IFT74: variants seen among roughly 807,000 people sequenced by gnomAD.
IFT74 encodes the protein intraflagellar transport 74, also known as intraflagellar transport protein 74 homolog.
Under a neutral mutation model 96.7 loss-of-function variants are expected in IFT74, and 92 were observed. The observed-to-expected ratio is 0.95, with a 90% CI of 0.80 to 1.13. The LOEUF is 1.13. IFT74 is among the 50% of genes most tolerant of loss of function. IFT74 has a pLI of 0.00. For synonymous variants in IFT74, 223 were observed against 213.2 expected, an observed-to-expected ratio of 1.05 and a Z score of -0.40; for missense variants, 811 against 698.2, an observed-to-expected ratio of 1.16 and a Z score of -1.82.
chr9:27,011,906 G>T lies in IFT74; in HGVS notation c.727G>T (p.Glu243Ter). 6.5e-7 allele frequency: 1 copy of T among 1,545,154 alleles called. No individual in the cohort carries two copies. Among genetic ancestry groups the T allele is most frequent in the Non-Finnish European group, 8.7e-7 (1 of 1,146,664 alleles). The change falls in exon 10 of 20, where the codon GAA becomes TAA. Residue 243 changes from glutamate (E) to a stop codon, truncating the protein, a stop_gained and splice_region_variant. Coordinates refer to ENST00000380062, the MANE Select transcript of IFT74 (RefSeq NM_025103.4). LOFTEE classifies it high-confidence loss of function. ...TGTTTGCTTTTTTTTTTCCACTTAG[G>T]AATTAGATACACTTCAACAACAATT... The part of the protein sequence containing the change: ...MKTTNEKLLQ[E>*]LDTLQQQLDS...
At chr9:27,033,376 G>A (rs1379968347) in intron 13 of IFT74, among the ~76,000 whole-genome samples, 1 of 151,806 alleles carries the variant, frequency 6.6e-6, no homozygotes, top group Non-Finnish European at 1.5e-5. Flanking sequence ...TGGGCAACAG[G>A]GCGAAAACCT....
chr9:26,998,174 G>T (rs1467644546), intron 8 of IFT74: 1 of 1,579,248 alleles, frequency 6.3e-7, no homozygotes, highest in Middle Eastern at 1.7e-4. Context: ...ATCAAGTATA[G>T]TAACATCTTT....
At chr9:26,983,893 C>T (rs556397778) in intron 4 of IFT74, 1 of 160,152 alleles carries the variant, frequency 6.2e-6, no homozygotes, top group South Asian at 1.8e-4. Flanking sequence ...AAGCTATTCT[C>T]CTGCCTCAGC....
intron 12 of IFT74, among the ~76,000 whole-genome samples, chr9:27,028,440 C>G (rs1829973959): frequency 6.6e-6 from 1 of 152,070 alleles, no homozygotes; most frequent in African/African-American, 2.4e-5. Context: ...TCAGAATATA[C>G]CTGGGCTCCA....
In IFT74 at chr9:26,980,464, T is replaced by A. The variant is rs1307797240; in HGVS notation, c.257-107T>A. 2.4e-5 allele frequency: 18 copies of A among 752,440 alleles called. No individual in the cohort carries two copies. The South Asian group carries it at 2.4e-4, about 10-fold the overall frequency. 46.6% of individuals were successfully genotyped at this position (752,440 alleles called of 1,614,324 possible). A position where few individuals can be genotyped will look rare whatever the true frequency, so the allele number is the denominator to read the frequency against. ...TCTTCTTGATTCATTGGGGCATTCA[T>A]GAAGACTGTCTTGAGAATTGTGGAG... On this transcript the variant is annotated intron_variant, in intron 3 of 19. Transcript: ENST00000380062.
At chr9:26,973,344 GA>G (rs1382074345) in intron 2 of IFT74, among the ~76,000 whole-genome samples, 1 of 152,146 alleles carries the variant, frequency 6.6e-6, no homozygotes, top group Non-Finnish European at 1.5e-5. Flanking sequence ...AGGGTTTAAG[GA>G]GTCCATCTTT....
At chr9:27,010,625 GAC>G (rs1829018383) in intron 9 of IFT74, among the ~76,000 whole-genome samples, 1 of 150,852 alleles carries the variant, frequency 6.6e-6, no homozygotes. Flanking sequence ...GAGTAGCTGG[GAC>G]CACAGGTGCC....
At chr9:27,047,451 C>T (rs1171691836) in intron 15 of IFT74, 80 bp downstream of exon 15, 17 of 765,866 alleles carry the variant, frequency 2.2e-5, no homozygotes, top group African/African-American at 1.1e-4. Context: ...AAAAATAGAA[C>T]GGCTCACTAT....
Position 26,985,729 on chromosome 9 carries a change from T to A in IFT74, c.465+1170T>A, listed in dbSNP as rs73643123. ...CTTTTCTCCCTAAAATATGTTAAAA[T>A]AATAATTTAAATAATTTTAAAAGTG... On this transcript the variant is annotated intron_variant, in intron 6 of 19. Coordinates refer to ENST00000380062, the MANE Select transcript of IFT74 (RefSeq NM_025103.4). Among the ~76,000 whole-genome samples the A allele has an allele frequency of 6.0e-3, 921 of 152,258 alleles. 10 individuals are homozygous for A. The highest frequency in any genetic ancestry group is 0.021 in the African/African-American group (878 of 41,556).
intron 2 of IFT74, among the ~76,000 whole-genome samples, chr9:26,972,927 G>T (rs981462529): frequency 4.6e-5 from 7 of 152,116 alleles, no homozygotes; most frequent in Non-Finnish European, 7.3e-5. Context: ...CACCAGATAT[G>T]AGAATATCAT....
chr9:26,983,942 C>G (rs1827507383), intron 4 of IFT74: 2 of 195,184 alleles, frequency 1.0e-5, no homozygotes, highest in Non-Finnish European at 2.1e-5. Context: ...TGCCACCATG[C>G]CCAGCTAATT....
At chr9:26,961,806 G>C (rs759320243) in intron 1 of IFT74, 143 bp from the exon 2 acceptor site, 144 of 693,566 alleles carry the variant, frequency 2.1e-4, no homozygotes, top group Middle Eastern at 2.9e-4. Flanking sequence ...TGTCATATTT[G>C]AACAAAATTA....
At chr9:26,986,970 T>C (rs1156502355) in intron 6 of IFT74, among the ~76,000 whole-genome samples, 2 of 152,200 alleles carry the variant, frequency 1.3e-5, no homozygotes, top group Non-Finnish European at 2.9e-5. Context: ...ATCACAAACA[T>C]TTTGTAGAGC....
intron 8 of IFT74, chr9:26,996,482 T>C (rs746562226): frequency 6.1e-6 from 9 of 1,478,098 alleles, no homozygotes; most frequent in Non-Finnish European, 8.2e-6. Context: ...TAGCTACACA[T>C]GGTGATGTTC....
intron 13 of IFT74, among the ~76,000 whole-genome samples, chr9:27,040,758 G>C (rs1220698939): frequency 1.3e-5 from 2 of 152,060 alleles, no homozygotes; most frequent in African/African-American, 4.8e-5. Context: ...AGAGTTACTA[G>C]TACATGCCTT....
Position 26,990,141 on chromosome 9 carries a change from C to A in IFT74, c.533C>A (p.Ala178Asp). 1 of 1,500,408 alleles carries A rather than the reference C, an allele frequency of 6.7e-7. No individual in the cohort carries two copies. The highest frequency in any genetic ancestry group is 8.9e-7 in the Non-Finnish European group (1 of 1,126,140). 92.9% of individuals were successfully genotyped at this position (1,500,408 alleles called of 1,614,324 possible). ...EVMNDYNMLK[A>D]QNDRETQSLD... ...TGTGTTAACTTTATTCAGCTTAAAGCTCAAAATGATCGAGAAACACAAAGT... is the reference window on the plus strand; with the variant it reads ...TGTGTTAACTTTATTCAGCTTAAAGATCAAAATGATCGAGAAACACAAAGT... The change falls in exon 8 of 20, where the codon GCT becomes GAT. Residue 178 changes from alanine to aspartate, a missense_variant. Transcript: ENST00000380062.
intron 1 of IFT74, among the ~76,000 whole-genome samples, chr9:26,950,462 G>A (rs546966259): frequency 6.6e-6 from 1 of 152,220 alleles, no homozygotes; most frequent in East Asian, 1.9e-4. Context: ...AAGGAGTTGG[G>A]GTGGGGGGTC....
intron 2 of IFT74, among the ~76,000 whole-genome samples, chr9:26,970,643 C>A (rs1826841328): frequency 6.6e-6 from 1 of 152,170 alleles, no homozygotes; most frequent in Non-Finnish European, 1.5e-5. Flanking sequence ...AGAACATTTA[C>A]CAGGAAGAGA....
At position 26,978,199 on chromosome 9, in the gene IFT74, A is replaced by G. The variant is rs367699955; in HGVS notation, c.192A>G (p.Gln64=). The G allele has an allele frequency of 2.5e-6, 4 of 1,613,598 alleles. No homozygotes were observed. The highest frequency in any genetic ancestry group is 2.2e-5 in the South Asian group (2 of 91,040). Residue 64 remains glutamine, a synonymous_variant, in exon 3 of 20, where the codon CAA becomes CAG. Transcript: ENST00000380062. ...GGACTGGTGGAGTTCTGTCTTCTCA[A>G]ATCAAAGTTGCCCATCGCCCTGTAA... ...PIGTGGVLSS[Q]IKVAHRPVTQ...
Sources: gnomAD v4.1 joint callset for allele counts (sites outside exome capture counted in the v4.1 genomes callset) on GRCh38, gnomAD v4.1.1 for gene constraint, MANE v1.5 for transcripts, NCBI Gene and HGNC (gene_info 2026-07-23, HGNC 2026-07-21) for gene names.